Variants in FTO observed in about 807,000 individuals in gnomAD.
The protein encoded by FTO is FTO alpha-ketoglutarate dependent dioxygenase.
A neutral mutation model predicts 63.9 loss-of-function variants in FTO; 47 were observed. The ratio of observed to expected loss-of-function variants is 0.74; its 90% CI spans 0.58 to 0.94. FTO has a LOEUF of 0.94. Ranked by LOEUF, FTO falls within the 40% of genes least tolerant of loss-of-function variation. The pLI is 0.00. For missense variants in FTO, 562 were observed against 618.1 expected (o/e 0.91, Z 0.96); for synonymous variants, 207 against 224.4 (o/e 0.92, Z 0.69).
At chr16:54,041,007 T>C (rs1372112194) in intron 8 of FTO, among the ~76,000 whole-genome samples, 1 of 152,218 alleles carries the variant, frequency 6.6e-6, no homozygotes, top group Non-Finnish European at 1.5e-5. Context: ...GCAAAAATGC[T>C]TTGAAAATGT....
chr16:53,922,061 A>C (rs1373785684), intron 7 of FTO, among the ~76,000 whole-genome samples: 1 of 152,206 alleles, frequency 6.6e-6, no homozygotes, highest in African/African-American at 2.4e-5. Context: ...ATCATACTTT[A>C]TAAAGCGTAC....
chr16:53,964,480 T>C (rs2083152877), intron 8 of FTO, among the ~76,000 whole-genome samples: 1 of 152,236 alleles, frequency 6.6e-6, no homozygotes, highest in South Asian at 2.1e-4. Context: ...TGTAAATTGC[T>C]GGTGAGAGAG....
intron 8 of FTO, among the ~76,000 whole-genome samples, chr16:53,985,720 C>G (rs1466146911): frequency 6.6e-6 from 1 of 152,190 alleles, no homozygotes; most frequent in Non-Finnish European, 1.5e-5. Flanking sequence ...TTCTCCACCT[C>G]TGACTCTTAG....
At chr16:53,870,787 G>A (rs2080470913) in intron 4 of FTO, among the ~76,000 whole-genome samples, 1 of 152,066 alleles carries the variant, frequency 6.6e-6, no homozygotes. Flanking sequence ...ATTCCTTTGA[G>A]CAGATCTAAA....
At chr16:53,815,416 T>C (rs1034939147) in intron 2 of FTO, among the ~76,000 whole-genome samples, 2 of 152,104 alleles carry the variant, frequency 1.3e-5, no homozygotes, top group Non-Finnish European at 2.9e-5. Flanking sequence ...TTTTTCTTTT[T>C]CCATCCCACA....
chr16:54,094,374 G>A (rs2086463871), intron 8 of FTO, among the ~76,000 whole-genome samples: 1 of 152,202 alleles, frequency 6.6e-6, no homozygotes, highest in African/African-American at 2.4e-5. Flanking sequence ...AAAAACTTCA[G>A]TCGGAGGACT....
At chr16:53,830,245 A>T (rs1567337505) in intron 3 of FTO, among the ~76,000 whole-genome samples, 2 of 152,236 alleles carry the variant, frequency 1.3e-5, no homozygotes, top group Non-Finnish European at 2.9e-5. Flanking sequence ...TTGAAATGGT[A>T]CAATTTTTAA....
At chr16:53,801,683 AT>A (rs1246357054) in intron 1 of FTO, among the ~76,000 whole-genome samples, 1 of 148,942 alleles carries the variant, frequency 6.7e-6, no homozygotes, top group Non-Finnish European at 1.5e-5. Flanking sequence ...GTTGAAATAC[AT>A]TATAGCATTT....
chr16:53,953,457 AG>A (rs2082847116), intron 8 of FTO, among the ~76,000 whole-genome samples: 1 of 152,208 alleles, frequency 6.6e-6, no homozygotes, highest in South Asian at 2.1e-4. Flanking sequence ...AAGATTCCTC[AG>A]TCTAAATCTG....
chr16:53,978,969 G>A (rs1420661321), intron 8 of FTO, among the ~76,000 whole-genome samples: 12 of 151,942 alleles, frequency 7.9e-5, no homozygotes, highest in African/African-American at 2.2e-4. Flanking sequence ...GCTGCACTCC[G>A]GCCTGGGAGG....
At chr16:54,075,353 C>G (rs1243097711) in intron 8 of FTO, among the ~76,000 whole-genome samples, 1 of 152,154 alleles carries the variant, frequency 6.6e-6, no homozygotes. Flanking sequence ...GAAAAAGAAT[C>G]TGACAGTGTC....
intron 7 of FTO, among the ~76,000 whole-genome samples, chr16:53,913,760 C>G (rs1170268444): frequency 5.9e-5 from 9 of 152,230 alleles, no homozygotes. Flanking sequence ...GGGTGGATCA[C>G]CTGAGGTCAG....
chr16:54,029,764 A>G (rs1215586088), intron 8 of FTO, among the ~76,000 whole-genome samples: 2 of 152,184 alleles, frequency 1.3e-5, no homozygotes, highest in Admixed American at 6.5e-5. Context: ...CTGAACTACA[A>G]GATTAGCTAA....
At chr16:54,098,204 T>C (rs2086557612) in intron 8 of FTO, among the ~76,000 whole-genome samples, 1 of 152,180 alleles carries the variant, frequency 6.6e-6, no homozygotes, top group South Asian at 2.1e-4. Context: ...TAAATTAGCA[T>C]TTTTCTTTTG....
intron 8 of FTO, among the ~76,000 whole-genome samples, chr16:54,103,909 A>G (rs544972514): frequency 2.0e-5 from 3 of 152,332 alleles, no homozygotes; most frequent in East Asian, 1.9e-4. Context: ...AAACAGTGCA[A>G]TGGAGTGTCC....
At position 53,934,047 on chromosome 16, in the gene FTO, C is replaced by A. The variant is rs754096350; in HGVS notation, c.1302C>A (p.Ile434=). The A allele has an allele frequency of 5.0e-6, 8 of 1,613,940 alleles. No individual in the cohort carries two copies. The East Asian group carries it at 1.3e-4, about 27-fold the overall frequency. The change falls in exon 8 of 9, where the codon ATC becomes ATA. Residue 434 remains isoleucine (I), a synonymous_variant. Transcript: ENST00000471389. ...EGLPVEQRNE[I]LTAILASLTA... is the part of the protein sequence containing the mutation. ...TCCCCGTGGAACAAAGGAATGAAATCTTGACTGCCATCCTTGCCTCGCTCA... is the reference window on the plus strand; with the variant it reads ...TCCCCGTGGAACAAAGGAATGAAATATTGACTGCCATCCTTGCCTCGCTCA...
intron 1 of FTO, among the ~76,000 whole-genome samples, chr16:53,761,326 T>A (rs771540583): frequency 6.6e-6 from 1 of 151,688 alleles, no homozygotes; most frequent in South Asian, 2.1e-4. Context: ...TGTTTCCAAC[T>A]CCTGGGCTCA....
At chr16:53,881,135 A>AAATAAATAAATAAAT in intron 6 of FTO, among the ~76,000 whole-genome samples, 1 of 150,686 alleles carries the variant, frequency 6.6e-6, no homozygotes, top group Non-Finnish European at 1.5e-5. Context: ...ATAAATAAAT[A>AAATAAATAAATAAAT]AATAAATAAA....
intron 8 of FTO, among the ~76,000 whole-genome samples, chr16:53,983,857 G>A (rs1326206418): frequency 6.6e-6 from 1 of 152,176 alleles, no homozygotes; most frequent in Non-Finnish European, 1.5e-5. Context: ...TCCAAAAGAA[G>A]CCAGAAATCC....
Sources: allele counts gnomAD v4.1 joint callset (sites outside exome capture counted in the v4.1 genomes callset), GRCh38; gene constraint gnomAD v4.1.1; transcripts MANE v1.5; gene names NCBI Gene and HGNC (gene_info 2026-07-23, HGNC 2026-07-21).